The following PSMF1 variants were observed in gnomAD, a reference collection of about 807,000 sequenced individuals.
PSMF1 encodes proteasome inhibitor subunit 1, also known as proteasome inhibitor PI31 subunit.
Under a neutral mutation model 29.3 loss-of-function variants are expected in PSMF1, and 30 were observed. The ratio of observed to expected loss-of-function variants is 1.02; its 90% confidence interval spans 0.77 to 1.39. The LOEUF (loss-of-function observed/expected upper bound fraction) is 1.39. Among genes scored for constraint, PSMF1 ranks in the 40% most tolerant of loss-of-function variants. The probability of loss-of-function intolerance (pLI) is 0.00; values close to 1 mark genes in which losing one functional copy is unlikely to be tolerated. For synonymous variants in PSMF1, 134 were observed against 139.7 expected (o/e 0.96, Z 0.29); for missense variants, 344 against 357.5 (o/e 0.96, Z 0.31).
At chr20:1,124,131 C>T (rs1017672588) in intron 1 of PSMF1, among the ~76,000 whole-genome samples, 4 of 152,182 alleles carry the variant, frequency 2.6e-5, no homozygotes, top group Non-Finnish European at 4.4e-5. Flanking sequence ...TTAGTAGTGT[C>T]TCTGTAGAAC....
At chr20:1,160,602 A>G (rs1189783673) in intron 4 of PSMF1, 1 of 496,470 alleles carries the variant, frequency 2.0e-6, no homozygotes, top group Non-Finnish European at 4.1e-6. Flanking sequence ...AGAGATCACC[A>G]TACTCGTCAT....
chr20:1,161,965 T>C (rs868407508), intron 4 of PSMF1, among the ~76,000 whole-genome samples: 4 of 152,316 alleles, frequency 2.6e-5, no homozygotes, highest in Middle Eastern at 3.4e-3. Context: ...GTGCATGTGG[T>C]TTGGTCACTT....
chr20:1,123,555 T>C, intron 1 of PSMF1, among the ~76,000 whole-genome samples: 1 of 152,242 alleles, frequency 6.6e-6, no homozygotes, highest in Non-Finnish European at 1.5e-5. Context: ...TTATATATAA[T>C]ACTATCATTA....
At chr20:1,155,525 A>G (rs577455642) in intron 4 of PSMF1, among the ~76,000 whole-genome samples, 2 of 152,194 alleles carry the variant, frequency 1.3e-5, no homozygotes, top group Non-Finnish European at 2.9e-5. Context: ...AGAGGACCCA[A>G]AAAGGAGCCT....
intron 4 of PSMF1, among the ~76,000 whole-genome samples, chr20:1,156,408 A>G (rs2086595285): frequency 6.6e-6 from 1 of 152,218 alleles, no homozygotes; most frequent in Non-Finnish European, 1.5e-5. Flanking sequence ...TACAGATTCA[A>G]AAAGCTCAGC....
intron 1 of PSMF1, among the ~76,000 whole-genome samples, chr20:1,121,416 C>T (rs1373650860): frequency 6.6e-6 from 1 of 152,024 alleles, no homozygotes; most frequent in Non-Finnish European, 1.5e-5. Flanking sequence ...TCCTTGATTG[C>T]CATTGGGGCT....
rs918833480 is a variant in PSMF1 at position 1,164,945 on chromosome 20, G to C, written c.765-84G>C. On this transcript the variant is annotated intron_variant, in intron 6 of 6. Transcript: ENST00000335877. The surrounding 1 kb of genome is among the most constrained non-coding windows in gnomAD (Gnocchi z 4.1). ...ACCGCCACATCATGTTGAAGGGCAG[G>C]CTCCCTCAGTGCAGGGTCATGTCTG... The C allele has an allele frequency of 6.4e-5, 76 of 1,178,852 alleles. No individual in the cohort carries two copies. In the East Asian group the frequency reaches 1.7e-3, roughly 26 times the overall value. The allele number at this position is 1,178,852 out of a possible 1,614,324, so 73.0% of individuals were successfully genotyped here.
chr20:1,145,158 T>C (rs1004754192), intron 4 of PSMF1, among the ~76,000 whole-genome samples: 6 of 152,220 alleles, frequency 3.9e-5, no homozygotes. Context: ...AGGGCTGGGA[T>C]CATAGGCATA....
intron 4 of PSMF1, among the ~76,000 whole-genome samples, chr20:1,158,967 A>T (rs528780696): frequency 1.3e-5 from 2 of 151,996 alleles, no homozygotes; most frequent in African/African-American, 4.8e-5. Context: ...GAGGCAGGAG[A>T]ATTGCTTGAA....
intron 3 of PSMF1, among the ~76,000 whole-genome samples, chr20:1,130,702 T>C (rs1388095803): frequency 6.6e-6 from 1 of 152,052 alleles, no homozygotes; most frequent in Non-Finnish European, 1.5e-5. Context: ...CACAATCAGC[T>C]CACTTATAAA....
At chr20:1,157,260 A>G (rs1187843555) in intron 4 of PSMF1, among the ~76,000 whole-genome samples, 1 of 152,138 alleles carries the variant, frequency 6.6e-6, no homozygotes, top group Non-Finnish European at 1.5e-5. Flanking sequence ...TCTTGGCAAC[A>G]CCCTCACAGA....
intron 4 of PSMF1, among the ~76,000 whole-genome samples, chr20:1,151,412 C>T (rs1315665619): frequency 6.6e-6 from 1 of 152,220 alleles, no homozygotes; most frequent in African/African-American, 2.4e-5. Flanking sequence ...CTTTTGTAAG[C>T]ATTCTCATTT....
At chr20:1,124,746 T>C (rs368023546) in intron 1 of PSMF1, among the ~76,000 whole-genome samples, 1 of 152,234 alleles carries the variant, frequency 6.6e-6, no homozygotes, top group African/African-American at 2.4e-5. Context: ...ATGGATACAT[T>C]TCCAAAAACT....
At chr20:1,160,953 T>G in intron 4 of PSMF1, 1 of 440,112 alleles carries the variant, frequency 2.3e-6, no homozygotes, top group Non-Finnish European at 4.5e-6. Context: ...AGATCATGTT[T>G]GAGACCTTCA....
chr20:1,134,845 G>C, intron 3 of PSMF1: 1 of 503,054 alleles, frequency 2.0e-6, no homozygotes, highest in South Asian at 2.0e-5. Flanking sequence ...TCCAGGCCCT[G>C]TGCCCCTACA....
chr20:1,157,000 A>G (rs1160847930), intron 4 of PSMF1, among the ~76,000 whole-genome samples: 2 of 152,240 alleles, frequency 1.3e-5, no homozygotes, highest in Admixed American at 1.3e-4. Context: ...ACAAGGTCCC[A>G]CAATAGGCTG....
rs1453496091 is a variant in PSMF1 at position 1,118,624 on chromosome 20, C to G, written c.-150C>G. On this transcript the variant is annotated 5_prime_UTR_variant, in exon 1 of 7. Transcript: ENST00000335877. ...TCCGGCTTCCCCGCCCCGCCCCGTC[C>G]CCGGGCGTCTCCATTTTGGTCTCAG... is the stretch of plus-strand genomic sequence containing the variant. The G allele has an allele frequency of 1.0e-6, 1 of 955,818 alleles. No homozygotes were observed. Among genetic ancestry groups the G allele is most frequent in the African/African-American group, 1.7e-5 (1 of 60,046 alleles). 59.2% of individuals were successfully genotyped at this position (955,818 alleles called of 1,614,324 possible). A position where few individuals can be genotyped will look rare whatever the true frequency, so the allele number is the denominator to read the frequency against.
At chr20:1,153,365 C>T (rs1035503431) in intron 4 of PSMF1, among the ~76,000 whole-genome samples, 1 of 152,060 alleles carries the variant, frequency 6.6e-6, no homozygotes, top group African/African-American at 2.4e-5. Flanking sequence ...GTATCCCTCT[C>T]CCTCAGCTCC....
At chr20:1,150,352 C>T (rs1000672909) in intron 4 of PSMF1, among the ~76,000 whole-genome samples, 13 of 152,038 alleles carry the variant, frequency 8.6e-5, no homozygotes, top group Non-Finnish European at 4.4e-5. Context: ...GGTGCAATAA[C>T]GGCCAGGTTA....
Sources: gnomAD v4.1 joint callset for allele counts (sites outside exome capture counted in the v4.1 genomes callset) on GRCh38, gnomAD v4.1.1 for gene constraint, Gnocchi (gnomAD v3.1) non-coding constraint, MANE v1.5 for transcripts, NCBI Gene and HGNC (gene_info 2026-07-23, HGNC 2026-07-21) for gene names.